The following LCTL variants were observed in gnomAD, a reference collection of about 807,000 sequenced individuals.
LCTL encodes the protein lactase-like protein.
Under a neutral mutation model 75.8 loss-of-function variants are expected in LCTL, and 76 were observed. The observed-to-expected ratio is 1.00, with a 90% CI of 0.83 to 1.21. The LOEUF is 1.21. Among genes scored for constraint, LCTL ranks in the 50% most tolerant of loss-of-function variants. The pLI is 0.00. For missense variants in LCTL, 670 were observed against 712.4 expected (o/e 0.94, Z 0.68); for synonymous variants, 271 against 268.8 (o/e 1.01, Z -0.08).
Position 66,557,890 on chromosome 15 carries a change from A to C in LCTL, c.761-7T>G, listed in dbSNP as rs776937839. On this transcript the variant is annotated splice_region_variant and splice_polypyrimidine_tract_variant and intron_variant, in intron 7 of 12. Coordinates refer to ENST00000341509, the Ensembl canonical transcript of LCTL. ...AATGAAATTCCCACCAGACCTTAAA[A>C]GAAAAGAAAGAAAAGGGAGTGGGGA... 31 of 1,613,282 alleles carry C rather than the reference A, an allele frequency of 1.9e-5. No homozygotes were observed. Among genetic ancestry groups the C allele is most frequent in the Non-Finnish European group, 2.6e-5 (31 of 1,179,472 alleles).
intron 8 of LCTL, among the ~76,000 whole-genome samples, chr15:66,556,601 G>T (rs953234712): frequency 6.6e-6 from 1 of 152,110 alleles, no homozygotes. Flanking sequence ...CACCGTGCCC[G>T]GCTGACAATG....
In LCTL at chr15:66,557,847, T is replaced by TG; in HGVS notation, c.796_797insC (p.Glu266AlafsTer6). On this transcript the variant is annotated frameshift_variant, in exon 8 of 13. Coordinates refer to ENST00000341509, the Ensembl canonical transcript of LCTL. LOFTEE classifies it high-confidence loss of function. ...CTTGGGGTTACTAATGTCCACAGGT[T>TG]CCCCCCAGTCACAGTTCAATGAAAT... 1 of 1,613,852 alleles carries TG rather than the reference T, an allele frequency of 6.2e-7. No individual in the cohort carries two copies. The highest frequency in any genetic ancestry group is 8.5e-7 in the Non-Finnish European group (1 of 1,179,962).
At position 66,551,681 on chromosome 15, in the gene LCTL, C is replaced by G. The variant is rs766865503; in HGVS notation, c.1505G>C (p.Gly502Ala). 1 of 1,613,940 alleles carries G rather than the reference C, an allele frequency of 6.2e-7. No individual in the cohort carries two copies. Among genetic ancestry groups the G allele is most frequent in the Admixed American group, 1.7e-5 (1 of 60,002 alleles). Residue 502 changes from glycine to alanine, a missense_variant, in exon 11 of 13, where the codon GGG (glycine) becomes GCG (alanine). Physicochemically the swap from Gly to Ala is moderately conservative, Grantham distance 60. Coordinates refer to ENST00000341509, the Ensembl canonical transcript of LCTL. ...GCCTACCTCTCTTGGATTGGGAAAC[C>G]CATTGGCAATGATAATCTTCTTGTA...
chr15:66,553,067 C>A (rs1457219816), exon 9 of LCTL: 1 of 1,604,838 alleles, frequency 6.2e-7, no homozygotes, highest in Non-Finnish European at 8.5e-7. Context: ...TTTGGGTCAA[C>A]CAGCTCTATC....
intron 6 of LCTL, 67 bp downstream of exon 7, chr15:66,560,939 G>T: frequency 6.8e-7 from 1 of 1,460,474 alleles, no homozygotes; most frequent in Non-Finnish European, 9.5e-7. Context: ...CCAAGCTCAG[G>T]CTAGAGCCCC....
intron 6 of LCTL, among the ~76,000 whole-genome samples, chr15:66,560,290 G>A (rs556233627): frequency 7.9e-5 from 12 of 152,038 alleles, no homozygotes; most frequent in Admixed American, 2.6e-4. Context: ...CGCATGCCTC[G>A]TATCCCTGTT....
At position 66,557,710 on chromosome 15, in the gene LCTL, G is replaced by T; in HGVS notation, c.922+12C>A. 6.2e-7 allele frequency: 1 copy of T among 1,611,736 alleles called. No homozygotes were observed. Among genetic ancestry groups the T allele is most frequent in the African/African-American group, 1.3e-5 (1 of 74,944 alleles). On this transcript the variant is annotated intron_variant, in intron 8 of 12. Transcript: ENST00000341509. Reference sequence around the variant, plus strand: ...CCCTAGTATCTGCAGTTTAAAATGAGACTGGGCTCACCAATGTAGTCCTTC... The same window carrying T: ...CCCTAGTATCTGCAGTTTAAAATGATACTGGGCTCACCAATGTAGTCCTTC...
At chr15:66,549,330 G>A (rs918048786) in intron 12 of LCTL, 1 of 152,122 alleles carries the variant, frequency 6.6e-6, no homozygotes, top group African/African-American at 2.4e-5. Context: ...GGGATTGCAT[G>A]TTGCTTTATT....
chr15:66,562,381 C>T (rs1277258295), intron 4 of LCTL, among the ~76,000 whole-genome samples: 4 of 146,458 alleles, frequency 2.7e-5, no homozygotes, highest in Admixed American at 6.9e-5. Context: ...CCAGCCTGGA[C>T]GACGAAGCAG....
At chr15:66,561,666 C>G (rs550497795) in intron 4 of LCTL, among the ~76,000 whole-genome samples, 8 of 152,320 alleles carry the variant, frequency 5.3e-5, no homozygotes, top group Non-Finnish European at 1.2e-4. Flanking sequence ...CCAAAGACAT[C>G]TGCCCATGAC....
intron 11 of LCTL, 82 bp downstream of exon 12, chr15:66,551,580 A>G (rs1003522425): frequency 2.4e-5 from 27 of 1,140,610 alleles, no homozygotes; most frequent in African/African-American, 1.4e-4. Context: ...AAGAGAAGAG[A>G]AACTTGCCAA....
intron 12 of LCTL, chr15:66,549,000 T>C (rs1260809215): frequency 6.4e-6 from 1 of 156,478 alleles, no homozygotes; most frequent in African/African-American, 2.4e-5. Flanking sequence ...AAAATATTAT[T>C]GTGTATCTTA....
At chr15:66,558,909 T>C (rs1198569674) in intron 6 of LCTL, among the ~76,000 whole-genome samples, 6 of 151,930 alleles carry the variant, frequency 3.9e-5, no homozygotes. Flanking sequence ...TTGGTCAGGC[T>C]GATCTCGAAC....
At chr15:66,553,667 A>G (rs1182014000) in intron 8 of LCTL, among the ~76,000 whole-genome samples, 1 of 150,766 alleles carries the variant, frequency 6.6e-6, no homozygotes, top group Non-Finnish European at 1.5e-5. Flanking sequence ...AGGCAGGAGA[A>G]TGGCGTGAAT....
At chr15:66,560,100 C>A (rs1895850292) in intron 6 of LCTL, among the ~76,000 whole-genome samples, 1 of 151,916 alleles carries the variant, frequency 6.6e-6, no homozygotes, top group African/African-American at 2.4e-5. Flanking sequence ...AAAAAAAAAT[C>A]TTGAGAGCTC....
intron 4 of LCTL, among the ~76,000 whole-genome samples, chr15:66,563,053 T>C (rs1198921173): frequency 1.3e-5 from 2 of 152,242 alleles, no homozygotes; most frequent in Non-Finnish European, 2.9e-5. Flanking sequence ...TTCTGTCCCC[T>C]GGAATTCATG....
exon 9 of LCTL, chr15:66,553,258 C>G (rs796891269): frequency 6.5e-7 from 1 of 1,540,704 alleles, no homozygotes; most frequent in African/African-American, 1.4e-5. Flanking sequence ...ACTCTTTCTT[C>G]CTTTTGAGAG....
Position 66,564,790 on chromosome 15 carries a change from C to T in LCTL, c.168G>A (p.Trp56Ter). 2 of 1,613,546 alleles carry T rather than the reference C, an allele frequency of 1.2e-6. No individual in the cohort carries two copies. The highest frequency in any genetic ancestry group is 1.7e-6 in the Non-Finnish European group (2 of 1,179,980). Residue 56 changes from tryptophan to a stop codon, truncating the protein, a stop_gained, in exon 2 of 13, where the codon TGG becomes TGA. Transcript: ENST00000341509. LOFTEE classifies it high-confidence loss of function. ...TGCTAGGCCCTTTCCCGTCCTGGTC[C>T]CAGGCGCCCTCCGTCTGGTAGGCAG...
At chr15:66,562,700 T>A (rs1777162612) in intron 4 of LCTL, among the ~76,000 whole-genome samples, 1 of 151,880 alleles carries the variant, frequency 6.6e-6, no homozygotes, top group Non-Finnish European at 1.5e-5. Flanking sequence ...TTGTCCTGCC[T>A]AGCCTCCCAA....
Sources: gnomAD v4.1 joint callset for allele counts (sites outside exome capture counted in the v4.1 genomes callset) on GRCh38, gnomAD v4.1.1 for gene constraint, MANE v1.5 for transcripts, NCBI Gene and HGNC (gene_info 2026-07-23, HGNC 2026-07-21) for gene names.